GSR: variants seen among roughly 807,000 people sequenced by gnomAD.
GSR encodes the protein glutathione-disulfide reductase.
A neutral mutation model predicts 56.5 loss-of-function variants in GSR; 48 were observed. That is an observed-to-expected ratio of 0.85 (90% confidence interval 0.67 to 1.08). GSR has a LOEUF of 1.08. GSR is among the 50% of genes least tolerant of loss of function. The pLI is 0.00. For missense variants in GSR, 694 were observed against 703.3 expected (o/e 0.99, Z 0.15); for synonymous variants, 264 against 270.8 (o/e 0.97, Z 0.25).
chr8:30,725,706 AC>A, intron 1 of GSR, among the ~76,000 whole-genome samples: 1 of 152,030 alleles, frequency 6.6e-6, no homozygotes, highest in South Asian at 2.1e-4. Context: ...ACATGGCAAA[AC>A]CCCATCTCTA....
intron 6 of GSR, among the ~76,000 whole-genome samples, chr8:30,698,021 C>T (rs989707696): frequency 2.6e-5 from 4 of 152,124 alleles, no homozygotes; most frequent in African/African-American, 7.2e-5. Context: ...GCGGCTGAAT[C>T]CCTAAAAGAT....
At chr8:30,689,124 G>C in intron 9 of GSR, 37 bp downstream of exon 9, 1 of 1,604,122 alleles carries the variant, frequency 6.2e-7, no homozygotes, top group South Asian at 1.1e-5. Flanking sequence ...ACTCCTAGTA[G>C]ATTCACAAAT....
At chr8:30,692,721 C>G (rs1025734156) in intron 8 of GSR, among the ~76,000 whole-genome samples, 2 of 151,712 alleles carry the variant, frequency 1.3e-5, no homozygotes, top group Admixed American at 1.3e-4. Context: ...AGGCTGTTCT[C>G]GAAGTCCTGA....
At chr8:30,714,560 A>C (rs1460416688) in intron 1 of GSR, among the ~76,000 whole-genome samples, 1 of 152,058 alleles carries the variant, frequency 6.6e-6, no homozygotes, top group Non-Finnish European at 1.5e-5. Context: ...GGGTCTCACT[A>C]TGTTGCCCAG....
chr8:30,727,589 C>T lies in GSR; in HGVS notation c.247G>A (p.Ala83Thr), dbSNP rs1213064593. 12 of 1,530,234 alleles carry T rather than the reference C, an allele frequency of 7.8e-6. No homozygotes were observed. In the Admixed American group the frequency reaches 9.9e-5, roughly 13 times the overall value. 94.8% of individuals were successfully genotyped at this position (1,530,234 alleles called of 1,614,324 possible). A position where few individuals can be genotyped will look rare whatever the true frequency, so the allele number is the denominator to read the frequency against. Residue 83 changes from alanine to threonine, a missense_variant, in exon 1 of 13, where the codon GCG becomes ACG. Coordinates refer to ENST00000221130, the MANE Select transcript of GSR (RefSeq NM_000637.5). The part of the protein sequence containing the change: ...GSGGLASARR[A>T]AELGARAAVV... ...GCGGCCCTGGCACCCAGCTCGGCCG[C>T]CCTGCGCGCGCTGGCCAGCCCGCCC... is the stretch of plus-strand genomic sequence containing the variant.
rs8190923 is a variant in GSR at position 30,715,312 on chromosome 8, T to C, written c.307-3224A>G. Among the ~76,000 whole-genome samples the C allele has an allele frequency of 8.3e-4, 126 of 151,788 alleles. 1 individual carries two copies. In the South Asian group the frequency reaches 0.01, roughly 12 times the overall value. ...TACCTCTAAAAATAAATAATAATAATAAACGTATGGCTTTCTATCTAGAGT... is the reference window on the plus strand; with the variant it reads ...TACCTCTAAAAATAAATAATAATAACAAACGTATGGCTTTCTATCTAGAGT... On this transcript the variant is annotated intron_variant, in intron 1 of 12. Transcript: ENST00000221130.
intron 6 of GSR, 25 bp from the exon 7 acceptor site, chr8:30,696,504 A>G (rs1161743847): frequency 6.2e-6 from 9 of 1,456,648 alleles, no homozygotes; most frequent in Non-Finnish European, 8.7e-6. Context: ...GAGGGTTAGT[A>G]TTCTTAAATA....
At chr8:30,686,614 G>C (rs1000163907) in intron 9 of GSR, among the ~76,000 whole-genome samples, 1 of 152,032 alleles carries the variant, frequency 6.6e-6, no homozygotes, top group African/African-American at 2.4e-5. Context: ...TTGAGCCCAG[G>C]AGTTTGATGC....
At chr8:30,720,692 T>A (rs760861430) in intron 1 of GSR, among the ~76,000 whole-genome samples, 4 of 151,548 alleles carry the variant, frequency 2.6e-5, no homozygotes, top group Non-Finnish European at 5.9e-5. Context: ...GCAGTCTGTG[T>A]AAAGCAGAAT....
chr8:30,727,832 C>A lies in GSR; in HGVS notation c.4G>T (p.Ala2Ser). The A allele has an allele frequency of 8.2e-7, 1 of 1,223,066 alleles. No individual in the cohort carries two copies. The highest frequency in any genetic ancestry group is 1.0e-6 in the Non-Finnish European group (1 of 985,100). 75.8% of individuals were successfully genotyped at this position (1,223,066 alleles called of 1,614,324 possible). A position where few individuals can be genotyped will look rare whatever the true frequency, so the allele number is the denominator to read the frequency against. Reference protein sequence around the residue: MALLPRALSAGA... With the variant: MSLLPRALSAGA... ...GCGCTCAGGGCTCGGGGCAGCAGGGCCATGCACGCGGAAGTGGCGCGCCAA... is the reference window on the plus strand; with the variant it reads ...GCGCTCAGGGCTCGGGGCAGCAGGGACATGCACGCGGAAGTGGCGCGCCAA... Residue 2 changes from alanine to serine, a missense_variant, in exon 1 of 13, where the codon GCC becomes TCC. Transcript: ENST00000221130.
intron 10 of GSR, among the ~76,000 whole-genome samples, chr8:30,682,421 T>C (rs1802991878): frequency 6.6e-6 from 1 of 152,226 alleles, no homozygotes; most frequent in African/African-American, 2.4e-5. Context: ...GTATGCCTCA[T>C]GCACACATTT....
Position 30,727,775 on chromosome 8 carries a change from G to C in GSR, c.61C>G (p.Arg21Gly). Residue 21 changes from arginine to glycine, a missense_variant, in exon 1 of 13, where the codon CGC (arginine) becomes GGC (glycine). Transcript: ENST00000221130. ...GAGPSWRRAARAFRGFLLLLP... is the reference protein window; with the variant it reads ...GAGPSWRRAAGAFRGFLLLLP... ...AGCAGCAGGAAGCCTCGGAAGGCGC[G>C]CGCCGCCCGCCGCCAGCTCGGTCCC... 1 of 1,359,546 alleles carries C rather than the reference G, an allele frequency of 7.4e-7. No individual in the cohort carries two copies. 84.2% of individuals were successfully genotyped at this position (1,359,546 alleles called of 1,614,324 possible).
intron 1 of GSR, among the ~76,000 whole-genome samples, chr8:30,720,033 G>A (rs892182225): frequency 1.3e-5 from 2 of 151,954 alleles, no homozygotes; most frequent in African/African-American, 4.8e-5. Flanking sequence ...AACATAGTAA[G>A]GCCTCGTCTC....
chr8:30,723,826 C>T (rs10088303), intron 1 of GSR, among the ~76,000 whole-genome samples: 1,756 of 151,706 alleles, frequency 0.012, 38 homozygotes, highest in African/African-American at 0.04. Context: ...ACACCCAGGT[C>T]TGCTGGGACC....
Position 30,689,231 on chromosome 8 carries a change from G to A in GSR, c.971C>T (p.Pro324Leu), listed in dbSNP as rs1475651305. 5 of 1,613,696 alleles carry A rather than the reference G, an allele frequency of 3.1e-6. No individual in the cohort carries two copies. The Admixed American group carries it at 8.3e-5, about 27-fold the overall frequency. The change falls in exon 9 of 13, where the codon CCA (proline) becomes CTA (leucine). Residue 324 changes from proline (P) to leucine (L), a missense_variant. Transcript: ENST00000221130. ...PGRLPVMTMI[P>L]DVDCLLWAIG... ...GGCCCAGAGCAGGCAGTCAACATCTGGAATCATGGTCATGACTGGTAGCCT... is the reference window on the plus strand; with the variant it reads ...GGCCCAGAGCAGGCAGTCAACATCTAGAATCATGGTCATGACTGGTAGCCT...
chr8:30,720,335 G>A (rs1178217182), intron 1 of GSR, among the ~76,000 whole-genome samples: 1 of 152,112 alleles, frequency 6.6e-6, no homozygotes, highest in East Asian at 1.9e-4. Context: ...ACCAGAATGA[G>A]AACTACTCAG....
At chr8:30,682,531 A>ATT (rs1377849455) in intron 10 of GSR, among the ~76,000 whole-genome samples, 1 of 152,216 alleles carries the variant, frequency 6.6e-6, no homozygotes, top group African/African-American at 2.4e-5. Flanking sequence ...AAAATATCTC[A>ATT]TTATATATAT....
rs1469900581 is a variant in GSR, at chr8:30,690,125, T to C, written c.883-806A>G. 2.1e-5 allele frequency among the ~76,000 whole-genome samples: 3 copies of C among 141,440 alleles called. No individual in the cohort carries two copies. The South Asian group carries it at 6.4e-4, about 30-fold the overall frequency. 92.8% of individuals were successfully genotyped at this position (141,440 alleles called of 152,430 possible). ...AAATATACATATATAAATCTATTTATATAAATATACATTTACATATAAATA... is the reference window on the plus strand; with the variant it reads ...AAATATACATATATAAATCTATTTACATAAATATACATTTACATATAAATA... On this transcript the variant is annotated intron_variant, in intron 8 of 12. Coordinates refer to ENST00000221130, the MANE Select transcript of GSR (RefSeq NM_000637.5).
chr8:30,685,307 C>T (rs1033417108), intron 9 of GSR, among the ~76,000 whole-genome samples: 2 of 151,990 alleles, frequency 1.3e-5, no homozygotes, highest in Non-Finnish European at 2.9e-5. Context: ...CCCAGGCTGA[C>T]CTCAAACTTC....
Sources: gnomAD v4.1 joint callset for allele counts (sites outside exome capture counted in the v4.1 genomes callset) on GRCh38, gnomAD v4.1.1 for gene constraint, MANE v1.5 for transcripts, NCBI Gene and HGNC (gene_info 2026-07-23, HGNC 2026-07-21) for gene names.